TNRC6A: variants seen among roughly 807,000 people sequenced by gnomAD.
TNRC6A encodes trinucleotide repeat-containing gene 6A protein.
In TNRC6A, 44 loss-of-function variants were observed where a neutral mutation model predicts 221.2. The ratio of observed to expected loss-of-function variants is 0.20; its 90% CI spans 0.16 to 0.26. The LOEUF is 0.26. Among genes scored for constraint, TNRC6A ranks in the 10% least tolerant of loss-of-function variants. TNRC6A has a pLI of 1.00. For synonymous variants in TNRC6A, 847 were observed against 838.5 expected (o/e 1.01, Z -0.18); for missense variants, 2,199 against 2,404.4 (o/e 0.91, Z 1.79).
chr16:24,668,011 C>G (rs565385391), intron 2 of TNRC6A, among the ~76,000 whole-genome samples: 5 of 151,512 alleles, frequency 3.3e-5, no homozygotes, highest in African/African-American at 4.8e-5. Context: ...GGCAACAGAG[C>G]AAGACCCTGT....
intron 2 of TNRC6A, among the ~76,000 whole-genome samples, chr16:24,737,558 T>C (rs2056797435): frequency 6.6e-6 from 1 of 152,350 alleles, no homozygotes; most frequent in Non-Finnish European, 1.5e-5. Context: ...TCAGCTGACT[T>C]CCCGTTTCAA....
intron 19 of TNRC6A, chr16:24,815,720 T>C (rs2058642996): frequency 5.2e-6 from 1 of 193,012 alleles, no homozygotes; most frequent in South Asian, 9.9e-5. Context: ...CCAGGCGTGG[T>C]GGCGGGCGCC....
At chr16:24,711,873 C>G (rs2056212407) in intron 2 of TNRC6A, among the ~76,000 whole-genome samples, 3 of 152,144 alleles carry the variant, frequency 2.0e-5, no homozygotes, top group African/African-American at 7.2e-5. Flanking sequence ...GTTGCCCGGG[C>G]TAGTCTCAAA....
intron 1 of TNRC6A, among the ~76,000 whole-genome samples, chr16:24,639,257 G>T (rs1567316399): frequency 6.6e-6 from 1 of 152,172 alleles, no homozygotes; most frequent in East Asian, 1.9e-4. Flanking sequence ...GGCCGAGGCA[G>T]GAGAATTATG....
At chr16:24,783,517 A>G (rs1422748502) in intron 5 of TNRC6A, among the ~76,000 whole-genome samples, 1 of 147,550 alleles carries the variant, frequency 6.8e-6, no homozygotes, top group Non-Finnish European at 1.5e-5. Flanking sequence ...TAGATGTTCT[A>G]TTATGTACAA....
chr16:24,820,263 G>T lies in TNRC6A; in HGVS notation c.5205G>T (p.Pro1735=). ...TCACTGCTCCGTCCCGCCCACCTCCGGGACTGACTGGTCAGAAGCCACCCT... is the reference window on the plus strand; with the variant it reads ...TCACTGCTCCGTCCCGCCCACCTCCTGGACTGACTGGTCAGAAGCCACCCT... ...KNITAPSRPP[P]GLTGQKPPLS... is the part of the protein sequence containing the mutation. The change falls in exon 22 of 25, where the codon CCG becomes CCT. Residue 1735 remains proline, a synonymous_variant. Transcript: ENST00000395799. 6.2e-7 allele frequency: 1 copy of T among 1,614,060 alleles called. No individual in the cohort carries two copies. Among genetic ancestry groups the T allele is most frequent in the Non-Finnish European group, 8.5e-7 (1 of 1,180,008 alleles).
chr16:24,635,087 T>TTTTCTTTCTTTC (rs201050969), intron 1 of TNRC6A, among the ~76,000 whole-genome samples: 1 of 150,118 alleles, frequency 6.7e-6, no homozygotes, highest in Admixed American at 6.7e-5. Context: ...TCTTTCTTTC[T>TTTTCTTTCTTTC]TTTCTTTCTT....
chr16:24,645,287 T>C (rs1479977173), intron 2 of TNRC6A, among the ~76,000 whole-genome samples: 4 of 151,744 alleles, frequency 2.6e-5, no homozygotes, highest in Non-Finnish European at 4.4e-5. Context: ...GGATGGATCA[T>C]TTGAGGTCAG....
chr16:24,660,104 G>C lies in TNRC6A; in HGVS notation n.402+19095G>C, dbSNP rs145136259. On this transcript the variant is annotated intron_variant and non_coding_transcript_variant, in intron 2 of 2. Transcript: ENST00000566108. ...TAACTTTTTATTTCTGTAGGTTTTG[G>C]GGGGAACAGGTAGTGTTTGGTTACA... Among the ~76,000 whole-genome samples, 28 of 151,522 alleles carry C rather than the reference G, an allele frequency of 1.8e-4. No homozygotes were observed. The East Asian group carries it at 5.0e-3, about 27-fold the overall frequency.
rs28408102 is a variant in TNRC6A at position 24,701,368 on chromosome 16, C to T, written n.403-49358C>T. 2.6e-3 allele frequency among the ~76,000 whole-genome samples: 352 copies of T among 135,452 alleles called. 1 individual carries two copies. Among genetic ancestry groups the T allele is most frequent in the Non-Finnish European group, 2.7e-3 (168 of 62,682 alleles). The allele number at this position is 135,452 out of a possible 152,430, so 88.9% of individuals were successfully genotyped here. A position where few individuals can be genotyped will look rare whatever the true frequency, so the allele number is the denominator to read the frequency against. On this transcript the variant is annotated intron_variant and non_coding_transcript_variant, in intron 2 of 2. Coordinates refer to the TNRC6A transcript ENST00000566108. ...CCACCCACCTTACTAACTTTTTTTT[C>T]TTTTTTTTTTTTTTTGAGACGGAGT...
Position 24,822,917 on chromosome 16 carries a change from C to T in TNRC6A, c.5417C>T (p.Pro1806Leu). 1 of 1,614,154 alleles carries T rather than the reference C, an allele frequency of 6.2e-7. No homozygotes were observed. Among genetic ancestry groups the T allele is most frequent in the Non-Finnish European group, 8.5e-7 (1 of 1,180,038 alleles). ...TLRTLCMQHG[P>L]LITFHLNLPH... ...CGCACTCTGTGCATGCAGCACGGCC[C>T]GCTGATCACATTCCACCTGAACCTC... Residue 1806 changes from proline (P) to leucine (L), a missense_variant, in exon 24 of 25, where the codon CCG becomes CTG. By Grantham distance (98) the Pro-to-Leu change is moderately conservative. Coordinates refer to ENST00000395799, the MANE Select transcript of TNRC6A (RefSeq NM_014494.4).
At chr16:24,786,993 T>C (rs757842922) in intron 5 of TNRC6A, among the ~76,000 whole-genome samples, 42 of 152,342 alleles carry the variant, frequency 2.8e-4, no homozygotes, top group Non-Finnish European at 5.4e-4. Flanking sequence ...GTACTAATAC[T>C]GTTTCTACTT....
chr16:24,771,906 C>T (rs1169161343), intron 4 of TNRC6A, among the ~76,000 whole-genome samples: 3 of 152,204 alleles, frequency 2.0e-5, no homozygotes, highest in African/African-American at 4.8e-5. Context: ...ATCTGGCCCA[C>T]TGCCTGTTTT....
intron 10 of TNRC6A, among the ~76,000 whole-genome samples, 153 bp from the exon 11 acceptor site, chr16:24,797,762 A>G (rs1054792482): frequency 1.3e-5 from 2 of 152,234 alleles, no homozygotes; most frequent in Non-Finnish European, 2.9e-5. Flanking sequence ...TCTTATTTTA[A>G]AACATTTTAA....
intron 2 of TNRC6A, among the ~76,000 whole-genome samples, chr16:24,732,136 G>A (rs1330297664): frequency 1.3e-5 from 2 of 152,208 alleles, no homozygotes; most frequent in Non-Finnish European, 2.9e-5. Flanking sequence ...GTAAGGCAGT[G>A]TGTACTAAGG....
intron 4 of TNRC6A, among the ~76,000 whole-genome samples, chr16:24,761,430 G>T (rs1348932702): frequency 1.3e-5 from 2 of 152,184 alleles, no homozygotes; most frequent in African/African-American, 4.8e-5. Flanking sequence ...ATTTTAAGAT[G>T]CCCTGTGGTA....
intron 2 of TNRC6A, among the ~76,000 whole-genome samples, chr16:24,733,145 G>A (rs1015117924): frequency 6.6e-6 from 1 of 152,092 alleles, no homozygotes; most frequent in South Asian, 2.1e-4. Context: ...TGAACCCTGG[G>A]AGCGGAGAGC....
chr16:24,706,834 AAAAT>A (rs1282635943), intron 2 of TNRC6A, among the ~76,000 whole-genome samples: 2 of 152,086 alleles, frequency 1.3e-5, no homozygotes, highest in Non-Finnish European at 2.9e-5. Context: ...CAGAGAGAAA[AAAAT>A]AAAATTAGGC....
At chr16:24,768,682 T>C (rs907327677) in intron 4 of TNRC6A, among the ~76,000 whole-genome samples, 1 of 152,166 alleles carries the variant, frequency 6.6e-6, no homozygotes, top group Non-Finnish European at 1.5e-5. Flanking sequence ...ATTTTATAGG[T>C]GTTTACTAAG....
Sources: gnomAD v4.1 joint callset for allele counts (sites outside exome capture counted in the v4.1 genomes callset) on GRCh38, gnomAD v4.1.1 for gene constraint, MANE v1.5 for transcripts, NCBI Gene and HGNC (gene_info 2026-07-23, HGNC 2026-07-21) for gene names.